The following ABTB2 variants were observed in gnomAD, a reference collection of about 807,000 sequenced individuals.
ABTB2 encodes the protein ankyrin repeat and BTB/POZ domain-containing protein 2.
A neutral mutation model predicts 104.1 loss-of-function variants in ABTB2; 56 were observed. That is an observed-to-expected ratio of 0.54 (90% CI 0.43 to 0.67). The LOEUF (loss-of-function observed/expected upper bound fraction) is 0.67, where lower values mean the gene tolerates loss of function less well. Among genes scored for constraint, ABTB2 ranks in the 30% least tolerant of loss-of-function variants. ABTB2 has a pLI of 0.00. For synonymous variants in ABTB2, 606 were observed against 608.2 expected, an observed-to-expected ratio of 1.00 and a Z score of 0.05; for missense variants, 1,279 against 1,407.7, an observed-to-expected ratio of 0.91 and a Z score of 1.46.
intron 3 of ABTB2, 101 bp from the exon 4 acceptor site, chr11:34,173,408 G>A: frequency 1.4e-6 from 2 of 1,392,702 alleles, no homozygotes; most frequent in South Asian, 1.4e-5. Flanking sequence ...GGGCAGCAGA[G>A]AGAGGGTCAG....
In ABTB2 at chr11:34,167,371, C is replaced by T; in HGVS notation, c.1654-11G>A. 1 of 1,609,490 alleles carries T rather than the reference C, an allele frequency of 6.2e-7. No homozygotes were observed. The highest frequency in any genetic ancestry group is 8.5e-7 in the Non-Finnish European group (1 of 1,177,374). The stretch of plus-strand genomic sequence containing the variant: ...GGAGTTGCTTGGAACCTGGAAAATA[C>T]CACAAATCATCTGTGTTTTCTGGGC... On this transcript the variant is annotated splice_polypyrimidine_tract_variant and intron_variant, in intron 6 of 16. Coordinates refer to ENST00000435224, the MANE Select transcript of ABTB2 (RefSeq NM_145804.3).
At chr11:34,338,350 C>T (rs1855218153) in intron 1 of ABTB2, among the ~76,000 whole-genome samples, 1 of 151,274 alleles carries the variant, frequency 6.6e-6, no homozygotes, top group South Asian at 2.1e-4. Context: ...CACTGCACTC[C>T]AGTCTGGGTG....
chr11:34,251,281 T>C (rs1010346786), intron 1 of ABTB2, among the ~76,000 whole-genome samples: 4 of 152,234 alleles, frequency 2.6e-5, no homozygotes, highest in African/African-American at 9.7e-5. Flanking sequence ...CAGCTGTGAA[T>C]CATGCCTTAG....
At chr11:34,262,708 T>C (rs572563971) in intron 1 of ABTB2, among the ~76,000 whole-genome samples, 5 of 152,162 alleles carry the variant, frequency 3.3e-5, no homozygotes, top group Non-Finnish European at 7.3e-5. Context: ...AAAGCTCAAA[T>C]AAAGGGCCAT....
At chr11:34,266,974 A>G (rs1036455378) in intron 1 of ABTB2, among the ~76,000 whole-genome samples, 1 of 150,284 alleles carries the variant, frequency 6.7e-6, no homozygotes, top group Admixed American at 6.6e-5. Context: ...GCCCACTAAA[A>G]ACAAATTCCC....
chr11:34,193,843 C>G (rs1255530687), intron 3 of ABTB2, among the ~76,000 whole-genome samples: 1 of 152,206 alleles, frequency 6.6e-6, no homozygotes, highest in Non-Finnish European at 1.5e-5. Context: ...TTAGAGGCTT[C>G]TCATTCCCTG....
At chr11:34,171,708 T>C (rs1451702014) in intron 4 of ABTB2, among the ~76,000 whole-genome samples, 1 of 152,124 alleles carries the variant, frequency 6.6e-6, no homozygotes, top group East Asian at 1.9e-4. Flanking sequence ...CCACCCAGAC[T>C]CATGCCTCAG....
intron 1 of ABTB2, among the ~76,000 whole-genome samples, chr11:34,257,040 T>G (rs1854131889): frequency 6.6e-6 from 1 of 152,184 alleles, no homozygotes. Context: ...AAACACAAAC[T>G]TATTTAAGAA....
intron 5 of ABTB2, among the ~76,000 whole-genome samples, chr11:34,168,490 G>A (rs560538970): frequency 1.7e-4 from 26 of 152,222 alleles, no homozygotes; most frequent in Admixed American, 3.3e-4. Context: ...CCTCATAGCC[G>A]CCATCCCAGG....
chr11:34,186,736 C>G (rs1236609596), intron 3 of ABTB2, among the ~76,000 whole-genome samples: 1 of 152,204 alleles, frequency 6.6e-6, no homozygotes, highest in Non-Finnish European at 1.5e-5. Context: ...TTATGTGGCA[C>G]TGACACTTCC....
At chr11:34,165,417 C>T in intron 7 of ABTB2, 61 bp from the exon 8 acceptor site, 1 of 1,456,962 alleles carries the variant, frequency 6.9e-7, no homozygotes, top group African/African-American at 1.4e-5. Flanking sequence ...CTGGGAAGGG[C>T]CAGGGTGCTT....
intron 3 of ABTB2, among the ~76,000 whole-genome samples, chr11:34,175,478 C>T (rs1852949089): frequency 6.6e-6 from 1 of 152,158 alleles, no homozygotes; most frequent in Non-Finnish European, 1.5e-5. Context: ...GAAAGTGAAA[C>T]AGAATTGTTG....
intron 11 of ABTB2, among the ~76,000 whole-genome samples, 153 bp from the exon 12 acceptor site, chr11:34,160,506 G>C (rs1282651579): frequency 1.3e-5 from 2 of 152,026 alleles, no homozygotes; most frequent in Non-Finnish European, 2.9e-5. Context: ...AGAGATGCCT[G>C]TTCCTTCATC....
At chr11:34,225,172 G>T (rs1160917287) in intron 1 of ABTB2, among the ~76,000 whole-genome samples, 3 of 152,214 alleles carry the variant, frequency 2.0e-5, no homozygotes, top group African/African-American at 7.2e-5. Flanking sequence ...CAATTGCTCA[G>T]CTAATGAGGA....
intron 1 of ABTB2, among the ~76,000 whole-genome samples, chr11:34,255,838 T>TC (rs113202459): frequency 6.6e-6 from 1 of 152,142 alleles, no homozygotes; most frequent in East Asian, 1.9e-4. Context: ...ACATTTTTTT[T>TC]CCCCTCCTCT....
intron 14 of ABTB2, among the ~76,000 whole-genome samples, chr11:34,156,340 G>A (rs1039110849): frequency 1.3e-5 from 2 of 152,182 alleles, no homozygotes; most frequent in African/African-American, 4.8e-5. Context: ...TACAGGTCAT[G>A]TGCCTCCTGG....
Position 34,252,471 on chromosome 11 carries a change from C to G in ABTB2, c.884-47781G>C, listed in dbSNP as rs1446097968. Among the ~76,000 whole-genome samples the G allele has an allele frequency of 1.3e-5, 2 of 152,168 alleles. No homozygotes were observed. Among genetic ancestry groups the G allele is most frequent in the South Asian group, 2.1e-4 (1 of 4,818 alleles). On this transcript the variant is annotated intron_variant, in intron 1 of 16. Coordinates refer to ENST00000435224, the MANE Select transcript of ABTB2 (RefSeq NM_145804.3). The surrounding 1 kb of genome is among the most constrained non-coding windows in gnomAD (Gnocchi z 5.5). ...CATCTGGACATCATGACCTCCCCAC[C>G]ACCGCTGGGCATGACCCTAAGAGAA... is the stretch of plus-strand genomic sequence containing the variant.
chr11:34,243,053 A>G (rs1216376127), intron 1 of ABTB2, among the ~76,000 whole-genome samples: 1 of 152,130 alleles, frequency 6.6e-6, no homozygotes, highest in Non-Finnish European at 1.5e-5. Context: ...GGAGCCTGAT[A>G]AGGAGGCTGA....
At chr11:34,171,936 C>T (rs569969287) in intron 4 of ABTB2, among the ~76,000 whole-genome samples, 51 of 152,126 alleles carry the variant, frequency 3.4e-4, no homozygotes, top group Non-Finnish European at 6.3e-4. Context: ...TTATAGGGGG[C>T]GCATCACAGA....
Sources: gnomAD v4.1 joint callset for allele counts (sites outside exome capture counted in the v4.1 genomes callset) on GRCh38, gnomAD v4.1.1 for gene constraint, Gnocchi (gnomAD v3.1) non-coding constraint, MANE v1.5 for transcripts, NCBI Gene and HGNC (gene_info 2026-07-23, HGNC 2026-07-21) for gene names.